The following USP31 variants were observed in gnomAD, a reference collection of about 807,000 sequenced individuals.
USP31 encodes the protein ubiquitin carboxyl-terminal hydrolase 31.
USP31 carries 44 observed loss-of-function variants against 119.4 expected under a neutral mutation model. The ratio of observed to expected loss-of-function variants is 0.37; its 90% CI spans 0.29 to 0.47. The LOEUF (loss-of-function observed/expected upper bound fraction) is 0.47, where lower values mean the gene tolerates loss of function less well. Among genes scored for constraint, USP31 ranks in the 20% least tolerant of loss-of-function variants. The pLI, the probability that USP31 is intolerant of heterozygous loss-of-function variation, is 0.99. For synonymous variants in USP31, 749 were observed against 705.6 expected (o/e 1.06, Z -0.97); for missense variants, 1,643 against 1,730.2 (o/e 0.95, Z 0.89).
intron 8 of USP31, 114 bp from the exon 9 acceptor site, chr16:23,087,300 G>A: frequency 2.3e-6 from 2 of 857,944 alleles, no homozygotes; most frequent in Non-Finnish European, 3.6e-6. Flanking sequence ...TCTGCAAAAT[G>A]CTTCACTATA....
chr16:23,103,690 G>C (rs373393220), intron 5 of USP31, among the ~76,000 whole-genome samples: 1 of 152,194 alleles, frequency 6.6e-6, no homozygotes. Flanking sequence ...CAAGACAGAA[G>C]GACTGCTTGA....
chr16:23,129,508 T>A (rs1386780326), intron 1 of USP31, among the ~76,000 whole-genome samples: 1 of 152,202 alleles, frequency 6.6e-6, no homozygotes, highest in Non-Finnish European at 1.5e-5. Flanking sequence ...GAAATACATT[T>A]GGAAGCTGCT....
intron 9 of USP31, among the ~76,000 whole-genome samples, chr16:23,086,656 T>C (rs1365678438): frequency 1.3e-5 from 2 of 152,084 alleles, no homozygotes; most frequent in African/African-American, 4.8e-5. Context: ...GTTGGGATAG[T>C]GGGGAGAGGA....
intron 1 of USP31, among the ~76,000 whole-genome samples, chr16:23,144,733 T>C (rs1261877527): frequency 6.6e-6 from 1 of 152,156 alleles, no homozygotes. Flanking sequence ...CCACCCACCT[T>C]GGCCTCCCAA....
At chr16:23,117,861 C>G (rs956861719) in intron 1 of USP31, among the ~76,000 whole-genome samples, 7 of 151,904 alleles carry the variant, frequency 4.6e-5, no homozygotes, top group African/African-American at 1.7e-4. Context: ...GCAATCTCAG[C>G]TCACTGCAAC....
chr16:23,117,351 G>C lies in USP31; in HGVS notation c.634-9168C>G, dbSNP rs188786670. The stretch of plus-strand genomic sequence containing the variant: ...TAAGCAAATTCATATGTACCACAAA[G>C]AGCTGGTGGCAAGGATTCATTGCTG... On this transcript the variant is annotated intron_variant, in intron 1 of 15. Coordinates refer to ENST00000219689, the MANE Select transcript of USP31 (RefSeq NM_020718.4). Among the ~76,000 whole-genome samples the C allele has an allele frequency of 1.7e-4, 26 of 152,356 alleles. No homozygotes were observed. In the East Asian group the frequency reaches 4.8e-3, roughly 28 times the overall value.
In USP31 at chr16:23,090,777, T is replaced by G. The variant is rs755662179; in HGVS notation, c.1262A>C (p.His421Pro). The part of the protein sequence containing the change: ...RGIHLNNNLN[H>P]LKFGLDYHRL... ...ATGATAATCCAAGCCAAATTTCAAG[T>G]GGTTTAGGTTGTTGTTTAAATGAAT... Residue 421 changes from histidine to proline, a missense_variant, in exon 7 of 16, where the codon CAC becomes CCC. Coordinates refer to ENST00000219689, the MANE Select transcript of USP31 (RefSeq NM_020718.4). 1 of 1,598,406 alleles carries G rather than the reference T, an allele frequency of 6.3e-7. No homozygotes were observed.
Position 23,080,085 on chromosome 16 carries a change from G to T in USP31, c.2037C>A (p.Ser679Arg). 1.2e-6 allele frequency: 2 copies of T among 1,613,522 alleles called. No homozygotes were observed. The highest frequency in any genetic ancestry group is 1.7e-6 in the Non-Finnish European group (2 of 1,179,692). The change falls in exon 13 of 16, where the codon AGC becomes AGA. Residue 679 changes from serine (S) to arginine (R), a missense_variant. Physicochemically the swap from Ser to Arg is moderately radical, Grantham distance 110. This residue lies in a region of USP31 where 279 missense variants were observed against 372.2 expected (regional missense o/e 0.75). Transcript: ENST00000219689. ...LDMTPHVVKRSQSSWSLPSHW... is the reference protein window; with the variant it reads ...LDMTPHVVKRRQSSWSLPSHW... ...GCGATGGCAAACTCCAGCTGCTCTG[G>T]CTCCTCTTAACCACGTGAGGTGTCA...
rs548882246 is a variant in USP31, at chr16:23,095,069, A to C, written c.1235-4265T>G. ...CTCTGAGCTAAAGGAGCATGTTCAA[A>C]CCCATCGCAAGGAAGCTAAAAACCT... On this transcript the variant is annotated intron_variant, in intron 6 of 15. Transcript: ENST00000219689. 5.3e-5 allele frequency among the ~76,000 whole-genome samples: 8 copies of C among 152,310 alleles called. No homozygotes were observed. The East Asian group carries it at 1.4e-3, about 26-fold the overall frequency.
At position 23,108,127 on chromosome 16, in the gene USP31, C is replaced by G. The variant is rs1410502894; in HGVS notation, c.690G>C (p.Gln230His). 1 of 1,614,032 alleles carries G rather than the reference C, an allele frequency of 6.2e-7. No homozygotes were observed. Among genetic ancestry groups the G allele is most frequent in the South Asian group, 1.1e-5 (1 of 91,058 alleles). Residue 230 changes from glutamine to histidine, a missense_variant, in exon 2 of 16, where the codon CAG becomes CAC. Coordinates refer to ENST00000219689, the MANE Select transcript of USP31 (RefSeq NM_020718.4). ...GGTCCAAAAGCCACAGCAGAAACTC[C>G]TGGGCATCATGTTGGGAATTTCCCC... ...QYRGNSQHDA[Q>H]EFLLWLLDRV... is the part of the protein sequence containing the mutation.
At chr16:23,130,765 C>T (rs988065805) in intron 1 of USP31, among the ~76,000 whole-genome samples, 5 of 152,152 alleles carry the variant, frequency 3.3e-5, no homozygotes, top group Admixed American at 1.3e-4. Context: ...CTATCACCCA[C>T]CACCCCAGAT....
At chr16:23,112,905 G>A (rs928256526) in intron 1 of USP31, among the ~76,000 whole-genome samples, 1 of 151,844 alleles carries the variant, frequency 6.6e-6, no homozygotes, top group African/African-American at 2.4e-5. Context: ...GTGCATGTCT[G>A]TAGTCCCAGC....
intron 7 of USP31, among the ~76,000 whole-genome samples, chr16:23,090,316 G>T (rs1378227803): frequency 6.6e-6 from 1 of 152,060 alleles, no homozygotes; most frequent in African/African-American, 2.4e-5. Context: ...AACCTGGGAG[G>T]CAGAGGTTGC....
intron 9 of USP31, among the ~76,000 whole-genome samples, 199 bp downstream of exon 9, chr16:23,086,893 C>T (rs1901132742): frequency 6.6e-6 from 1 of 152,116 alleles, no homozygotes; most frequent in African/African-American, 2.4e-5. Context: ...AACCCAAGTC[C>T]TCCAGGGCTT....
At chr16:23,082,402 A>C in intron 12 of USP31, 36 bp downstream of exon 12, 1 of 1,611,244 alleles carries the variant, frequency 6.2e-7, no homozygotes, top group East Asian at 2.2e-5. Context: ...AACTTGTCAC[A>C]ACTTGTTTGT....
intron 1 of USP31, among the ~76,000 whole-genome samples, chr16:23,139,126 G>T (rs376701742): frequency 1.3e-5 from 2 of 152,312 alleles, no homozygotes; most frequent in South Asian, 4.1e-4. Context: ...ATTCAGGCTA[G>T]GCACGGTGGC....
intron 1 of USP31, among the ~76,000 whole-genome samples, chr16:23,140,653 C>T (rs1036222722): frequency 1.3e-4 from 20 of 152,264 alleles, no homozygotes; most frequent in African/African-American, 2.6e-4. Flanking sequence ...CCAGTGGTGA[C>T]GCCTCCAAAA....
chr16:23,140,202 C>CA (rs1228774289), intron 1 of USP31, among the ~76,000 whole-genome samples: 1 of 152,218 alleles, frequency 6.6e-6, no homozygotes, highest in Non-Finnish European at 1.5e-5. Context: ...GACAGACTCT[C>CA]AAAGCCATCC....
chr16:23,116,496 G>GA (rs1902489485), intron 1 of USP31, among the ~76,000 whole-genome samples: 1 of 152,120 alleles, frequency 6.6e-6, no homozygotes, highest in Non-Finnish European at 1.5e-5. Flanking sequence ...TACGACTCAT[G>GA]AAAAAATGGT....
Sources: gnomAD v4.1 joint callset for allele counts (sites outside exome capture counted in the v4.1 genomes callset) on GRCh38, gnomAD v4.1.1 for gene constraint, gnomAD v4.1.1 regional missense constraint, MANE v1.5 for transcripts, NCBI Gene and HGNC (gene_info 2026-07-23, HGNC 2026-07-21) for gene names.